IMMP2L: variants seen among roughly 807,000 people sequenced by gnomAD.
IMMP2L encodes the protein mitochondrial inner membrane protease subunit 2.
IMMP2L carries 18 observed loss-of-function variants against 19.3 expected under a neutral mutation model. The ratio of observed to expected loss-of-function variants is 0.93; its 90% CI spans 0.64 to 1.38. The LOEUF (loss-of-function observed/expected upper bound fraction) is 1.38. Ranked by LOEUF, IMMP2L falls within the 40% of genes most tolerant of loss-of-function variation. IMMP2L has a pLI of 0.00. For missense variants in IMMP2L, 233 were observed against 218.2 expected (o/e 1.07, Z -0.43); for synonymous variants, 76 against 73.0 (o/e 1.04, Z -0.21).
intron 3 of IMMP2L, among the ~76,000 whole-genome samples, chr7:111,446,499 G>C (rs547968253): frequency 0.014 from 2,157 of 150,404 alleles, 20 homozygotes; most frequent in Non-Finnish European, 0.024. Flanking sequence ...TGAGGGTCCT[G>C]TCTGTTAGAA....
intron 3 of IMMP2L, among the ~76,000 whole-genome samples, chr7:111,141,552 C>G (rs1802894256): frequency 6.6e-6 from 1 of 151,828 alleles, no homozygotes; most frequent in African/African-American, 2.4e-5. Context: ...CCCAAACTGT[C>G]TATAGAATTA....
At chr7:111,299,565 C>A in intron 3 of IMMP2L, among the ~76,000 whole-genome samples, 2 of 122,640 alleles carry the variant, frequency 1.6e-5, no homozygotes, top group Non-Finnish European at 1.6e-5. Context: ...TTAAAGGTAG[C>A]TGAAGCAGAA....
chr7:110,759,036 A>C (rs1021103471), intron 5 of IMMP2L, among the ~76,000 whole-genome samples: 2 of 152,082 alleles, frequency 1.3e-5, no homozygotes, highest in Admixed American at 1.3e-4. Context: ...TACTCACTGT[A>C]ATTTTCATTT....
intron 4 of IMMP2L, among the ~76,000 whole-genome samples, chr7:110,887,974 A>G (rs946014785): frequency 6.6e-6 from 1 of 152,120 alleles, no homozygotes; most frequent in Non-Finnish European, 1.5e-5. Flanking sequence ...TTAAAAAACT[A>G]AACATAAATT....
At chr7:110,987,204 T>G (rs1197803244) in intron 3 of IMMP2L, among the ~76,000 whole-genome samples, 1 of 152,148 alleles carries the variant, frequency 6.6e-6, no homozygotes, top group Admixed American at 6.6e-5. Context: ...TTAAATAATA[T>G]ATAATACTTA....
At chr7:111,037,699 A>G (rs551145870) in intron 3 of IMMP2L, among the ~76,000 whole-genome samples, 58 of 152,160 alleles carry the variant, frequency 3.8e-4, no homozygotes, top group Non-Finnish European at 6.6e-4. Context: ...TATCTTACAT[A>G]CTGAGATTTG....
chr7:110,852,540 C>T (rs2131537822), intron 5 of IMMP2L, among the ~76,000 whole-genome samples: 1 of 152,128 alleles, frequency 6.6e-6, no homozygotes. Context: ...GCCAATCCTC[C>T]CTTCAGGAGA....
chr7:110,968,402 G>A (rs557743695), intron 3 of IMMP2L, among the ~76,000 whole-genome samples: 2 of 152,266 alleles, frequency 1.3e-5, no homozygotes, highest in East Asian at 1.9e-4. Flanking sequence ...GCTGGGTGCA[G>A]TGGCACATGC....
intron 3 of IMMP2L, among the ~76,000 whole-genome samples, chr7:111,413,964 G>A (rs1445442926): frequency 6.6e-6 from 1 of 151,712 alleles, no homozygotes; most frequent in East Asian, 1.9e-4. Flanking sequence ...AGTTGCAGCA[G>A]CACCTCCATA....
At chr7:111,513,021 A>T (rs1845587534) in intron 2 of IMMP2L, among the ~76,000 whole-genome samples, 1 of 152,064 alleles carries the variant, frequency 6.6e-6, no homozygotes, top group Admixed American at 6.6e-5. Flanking sequence ...ACTAGAAGAA[A>T]ACATAGGGAG....
chr7:111,040,146 G>A (rs978896968), intron 3 of IMMP2L, among the ~76,000 whole-genome samples: 8 of 152,150 alleles, frequency 5.3e-5, no homozygotes, highest in African/African-American at 1.4e-4. Context: ...TGCAGCCTGG[G>A]TGACAAGACC....
intron 3 of IMMP2L, among the ~76,000 whole-genome samples, chr7:111,387,468 G>A (rs528643742): frequency 3.8e-4 from 58 of 152,180 alleles, no homozygotes; most frequent in Middle Eastern, 3.4e-3. Context: ...ACAAGAACTC[G>A]TTTTAGCTAT....
intron 5 of IMMP2L, among the ~76,000 whole-genome samples, chr7:110,842,111 T>C (rs900501555): frequency 6.6e-6 from 1 of 152,180 alleles, no homozygotes; most frequent in Admixed American, 6.5e-5. Context: ...ATTTAGAACA[T>C]ATGCAGTTCA....
At chr7:111,257,963 G>A (rs1344028042) in intron 3 of IMMP2L, among the ~76,000 whole-genome samples, 2 of 151,500 alleles carry the variant, frequency 1.3e-5, no homozygotes, top group African/African-American at 2.4e-5. Context: ...CTCGGTGTGT[G>A]ATGTTCCCCT....
chr7:111,379,974 T>C (rs1443709889), intron 3 of IMMP2L, among the ~76,000 whole-genome samples: 3 of 151,942 alleles, frequency 2.0e-5, no homozygotes, highest in Admixed American at 1.3e-4. Flanking sequence ...TATTATGAAC[T>C]ATCTAAATAA....
chr7:111,472,082 A>G (rs1413544787), intron 3 of IMMP2L, among the ~76,000 whole-genome samples: 1 of 152,062 alleles, frequency 6.6e-6, no homozygotes, highest in Non-Finnish European at 1.5e-5. Context: ...TAAAATCATA[A>G]TCTCCATAAG....
chr7:111,391,647 C>T lies in IMMP2L; in HGVS notation c.239+95591G>A, dbSNP rs569982666. The stretch of plus-strand genomic sequence containing the variant: ...ATTTCTGCACTTTTAAATAACCCAA[C>T]GTGAAAATTATAGGTAATGCACTGC... On this transcript the variant is annotated intron_variant, in intron 3 of 5. Coordinates refer to ENST00000405709, the MANE Select transcript of IMMP2L (RefSeq NM_032549.4). Among the ~76,000 whole-genome samples the T allele has an allele frequency of 5.9e-5, 9 of 152,158 alleles. No homozygotes were observed. The South Asian group carries it at 1.5e-3, about 25-fold the overall frequency.
chr7:111,329,308 C>A (rs1387751773), intron 3 of IMMP2L, among the ~76,000 whole-genome samples: 2 of 151,768 alleles, frequency 1.3e-5, no homozygotes, highest in African/African-American at 4.8e-5. Context: ...AAACTACACA[C>A]CCTATCTCAA....
chr7:110,700,613 T>G (rs563443318), intron 5 of IMMP2L, among the ~76,000 whole-genome samples: 2 of 152,334 alleles, frequency 1.3e-5, no homozygotes, highest in Non-Finnish European at 2.9e-5. Flanking sequence ...GCATCTCCAG[T>G]GCTTTGCATC....
Sources: allele counts gnomAD v4.1 joint callset (sites outside exome capture counted in the v4.1 genomes callset), GRCh38; gene constraint gnomAD v4.1.1; transcripts MANE v1.5; gene names NCBI Gene and HGNC (gene_info 2026-07-23, HGNC 2026-07-21).